Variants in TET3 observed in about 807,000 individuals in gnomAD.
The protein encoded by TET3 is tet methylcytosine dioxygenase 3, also known as methylcytosine dioxygenase TET3.
In TET3, 19 loss-of-function variants were observed where a neutral mutation model predicts 141.4. The observed-to-expected ratio is 0.13, with a 90% confidence interval of 0.09 to 0.20. TET3 has a LOEUF of 0.20. TET3 is among the 10% of genes least tolerant of loss of function. The pLI is 1.00. For synonymous variants in TET3, 1,043 were observed against 980.9 expected (o/e 1.06, Z -1.18); for missense variants, 1,874 against 2,356.9 (o/e 0.80, Z 4.24).
chr2:74,064,165 A>G (rs977114861), intron 4 of TET3, among the ~76,000 whole-genome samples: 6 of 152,174 alleles, frequency 3.9e-5, no homozygotes, highest in Non-Finnish European at 8.8e-5. Context: ...TATAGCTTAT[A>G]ATCAATGATG....
intron 3 of TET3, among the ~76,000 whole-genome samples, chr2:74,030,967 T>G (rs1686649587): frequency 6.6e-6 from 1 of 152,100 alleles, no homozygotes; most frequent in Non-Finnish European, 1.5e-5. Flanking sequence ...GTGATTTTTT[T>G]TTGTAAAGGG....
rs537162935 is a variant in TET3 at position 74,090,064 on chromosome 2, G to A, written c.3039+17G>A. 5 of 1,611,626 alleles carry A rather than the reference G, an allele frequency of 3.1e-6. No individual in the cohort carries two copies. Among genetic ancestry groups the A allele is most frequent in the Admixed American group, 3.3e-5 (2 of 59,946 alleles). ...CCCAAAGAGGTGAGCAGAGCTGGGCGGGGACCCTGCCTCCCATCCTTTCTC... is the reference window on the plus strand; with the variant it reads ...CCCAAAGAGGTGAGCAGAGCTGGGCAGGGACCCTGCCTCCCATCCTTTCTC... On this transcript the variant is annotated intron_variant, in intron 8 of 11. Coordinates refer to ENST00000409262, the MANE Select transcript of TET3 (RefSeq NM_001287491.2).
chr2:74,113,018 A>C (rs1003003626), downstream of TET3, among the ~76,000 whole-genome samples: 1 of 149,768 alleles, frequency 6.7e-6, no homozygotes, highest in Non-Finnish European at 1.5e-5. Context: ...AAAAAAAAAA[A>C]AAAAAAAAAA....
At chr2:74,049,625 G>A (rs766988362) in intron 4 of TET3, among the ~76,000 whole-genome samples, 24 of 152,138 alleles carry the variant, frequency 1.6e-4, no homozygotes, top group African/African-American at 4.8e-4. Context: ...ATACACAGAC[G>A]GGTCTTGGGA....
intron 6 of TET3, among the ~76,000 whole-genome samples, chr2:74,083,214 G>A (rs570565598): frequency 2.0e-5 from 3 of 152,298 alleles, no homozygotes; most frequent in South Asian, 4.1e-4. Context: ...TACAAAATAC[G>A]GAAGATTCCA....
chr2:74,071,807 A>C (rs1312753643), intron 4 of TET3, among the ~76,000 whole-genome samples: 5 of 152,186 alleles, frequency 3.3e-5, no homozygotes, highest in Non-Finnish European at 1.5e-5. Context: ...CCTAATATCC[A>C]GCCACATCAC....
chr2:74,089,703 G>T (rs1261373048), intron 7 of TET3, among the ~76,000 whole-genome samples, 194 bp from the exon 8 acceptor site: 1 of 152,224 alleles, frequency 6.6e-6, no homozygotes, highest in Non-Finnish European at 1.5e-5. Flanking sequence ...GGTGCAGGCA[G>T]CAGAGGCTGC....
Position 74,103,054 on chromosome 2 carries a change from T to A in TET3, c.*878T>A, listed in dbSNP as rs915237763. 1 of 152,228 alleles carries A rather than the reference T, an allele frequency of 6.6e-6. No individual in the cohort carries two copies. Among genetic ancestry groups the A allele is most frequent in the African/African-American group, 2.4e-5 (1 of 41,452 alleles). 9.4% of individuals were successfully genotyped at this position (152,228 alleles called of 1,614,324 possible). ...ATGTCATGGTTCACTAGGCAGCACC[T>A]CACGCTGGAGCTGGAGTGCGAGGTT... is the stretch of plus-strand genomic sequence containing the variant. On this transcript the variant is annotated 3_prime_UTR_variant, in exon 12 of 12. Transcript: ENST00000409262.
chr2:74,029,370 G>A (rs1001247979), intron 3 of TET3, among the ~76,000 whole-genome samples: 7 of 152,132 alleles, frequency 4.6e-5, no homozygotes, highest in African/African-American at 7.2e-5. Flanking sequence ...CAGTCAATAC[G>A]TCCCTTGGGA....
intron 2 of TET3, among the ~76,000 whole-genome samples, chr2:73,999,676 A>AG (rs1270627311): frequency 2.0e-5 from 3 of 151,808 alleles, no homozygotes; most frequent in Non-Finnish European, 4.4e-5. Context: ...GAAGATGGGG[A>AG]GGGGAGGGAC....
At position 74,102,399 on chromosome 2, in the gene TET3, G is replaced by A. The variant is rs868797840; in HGVS notation, c.*223G>A. 7 of 541,878 alleles carry A rather than the reference G, an allele frequency of 1.3e-5. No homozygotes were observed. The highest frequency in any genetic ancestry group is 2.0e-5 in the African/African-American group (1 of 50,998). 33.6% of individuals were successfully genotyped at this position (541,878 alleles called of 1,614,324 possible). On this transcript the variant is annotated 3_prime_UTR_variant, in exon 12 of 12. Coordinates refer to ENST00000409262, the MANE Select transcript of TET3 (RefSeq NM_001287491.2). ...CCCAGCACTTTGAAGAAGAAACTACGGCTGTCGGGTGATTTTTCCGTGATC... is the reference window on the plus strand; with the variant it reads ...CCCAGCACTTTGAAGAAGAAACTACAGCTGTCGGGTGATTTTTCCGTGATC...
At position 74,101,453 on chromosome 2, in the gene TET3, G is replaced by A. The variant is rs1473846983; in HGVS notation, c.4665G>A (p.Lys1555=). Residue 1555 remains lysine (K), a synonymous_variant, in exon 12 of 12, where the codon AAG becomes AAA. Coordinates refer to ENST00000409262, the MANE Select transcript of TET3 (RefSeq NM_001287491.2). The surrounding 1 kb of genome is among the most constrained non-coding windows in gnomAD (Gnocchi z 8.5). The part of the protein sequence containing the change: ...ALKGSPGFQD[K]LWNPMKGEEG... Reference sequence around the variant, plus strand: ...AAGGTAGTCCTGGGTTCCAAGACAAGCTGTGGAACCCCATGAAAGGAGAGG... The same window carrying A: ...AAGGTAGTCCTGGGTTCCAAGACAAACTGTGGAACCCCATGAAAGGAGAGG... 6.2e-7 allele frequency: 1 copy of A among 1,613,828 alleles called. No individual in the cohort carries two copies. Among genetic ancestry groups the A allele is most frequent in the Non-Finnish European group, 8.5e-7 (1 of 1,179,862 alleles).
intron 3 of TET3, among the ~76,000 whole-genome samples, chr2:74,034,991 A>G (rs1686958377): frequency 6.6e-6 from 1 of 150,644 alleles, no homozygotes; most frequent in Non-Finnish European, 1.5e-5. Flanking sequence ...GTAGACCAAG[A>G]CCATCCTGGT....
intron 4 of TET3, among the ~76,000 whole-genome samples, chr2:74,070,939 C>T (rs550595970): frequency 5.8e-4 from 89 of 152,218 alleles, no homozygotes; most frequent in Non-Finnish European, 1.1e-3. Flanking sequence ...CATGCCATTG[C>T]ACTCCAACCT....
intron 3 of TET3, among the ~76,000 whole-genome samples, chr2:74,034,752 T>G (rs1197980794): frequency 6.6e-6 from 1 of 152,150 alleles, no homozygotes; most frequent in East Asian, 1.9e-4. Context: ...TTTCTGTACA[T>G]GTCTCCTGAT....
intron 3 of TET3, among the ~76,000 whole-genome samples, chr2:74,019,806 C>T (rs139244032): frequency 6.6e-6 from 1 of 152,196 alleles, no homozygotes; most frequent in Admixed American, 6.5e-5. Context: ...CATTTTTCCA[C>T]GTGCAGACAT....
intron 11 of TET3, 109 bp downstream of exon 11, chr2:74,099,721 T>A: frequency 8.6e-7 from 1 of 1,167,604 alleles, no homozygotes; most frequent in Non-Finnish European, 1.2e-6. Flanking sequence ...GGCCTCTGCT[T>A]AATTGTCAGT....
chr2:74,108,530 A>C (rs1177390083), downstream of TET3, among the ~76,000 whole-genome samples: 1 of 152,116 alleles, frequency 6.6e-6, no homozygotes, highest in African/African-American at 2.4e-5. Context: ...AGGTTTGCTA[A>C]AGGATCACCA....
At chr2:74,015,184 C>T (rs1685663656) in intron 3 of TET3, among the ~76,000 whole-genome samples, 1 of 152,156 alleles carries the variant, frequency 6.6e-6, no homozygotes, top group Admixed American at 6.5e-5. Flanking sequence ...ATCCTAACTC[C>T]TTAGAGAGCC....
Sources: gnomAD v4.1 joint callset for allele counts (sites outside exome capture counted in the v4.1 genomes callset) on GRCh38, gnomAD v4.1.1 for gene constraint, Gnocchi (gnomAD v3.1) non-coding constraint, MANE v1.5 for transcripts, NCBI Gene and HGNC (gene_info 2026-07-23, HGNC 2026-07-21) for gene names.